The following FRAS1 variants were observed in gnomAD, a reference collection of about 807,000 sequenced individuals.
FRAS1 encodes Fraser extracellular matrix complex subunit 1, also known as extracellular matrix organizing protein FRAS1.
FRAS1 carries 290 observed loss-of-function variants against 435.2 expected under a neutral mutation model. The observed-to-expected ratio is 0.67, with a 90% CI of 0.61 to 0.73. The LOEUF is 0.73. Among genes scored for constraint, FRAS1 ranks in the 30% least tolerant of loss-of-function variants. The probability of loss-of-function intolerance (pLI) is 0.00; values close to 1 mark genes in which losing one functional copy is unlikely to be tolerated. For missense variants in FRAS1, 4,860 were observed against 5,001.5 expected (o/e 0.97, Z 0.85); for synonymous variants, 1,800 against 1,851.0 (o/e 0.97, Z 0.71).
At chr4:78,340,187 C>A (rs2110269516) in intron 20 of FRAS1, among the ~76,000 whole-genome samples, 1 of 152,224 alleles carries the variant, frequency 6.6e-6, no homozygotes, top group South Asian at 2.1e-4. Context: ...AGCTAAACAA[C>A]TCTGGAAGCC....
At chr4:78,504,669 C>CTTTATCCAA in intron 61 of FRAS1, among the ~76,000 whole-genome samples, 1 of 152,148 alleles carries the variant, frequency 6.6e-6, no homozygotes, top group Non-Finnish European at 1.5e-5. Context: ...GGTCTTGACT[C>CTTTATCCAA]TTTATCCAAT....
intron 50 of FRAS1, among the ~76,000 whole-genome samples, chr4:78,469,544 A>G (rs1719640000): frequency 1.3e-5 from 2 of 152,226 alleles, no homozygotes; most frequent in African/African-American, 4.8e-5. Flanking sequence ...AATCCCACCT[A>G]GAAATTTCAA....
intron 49 of FRAS1, 25 bp downstream of exon 49, chr4:78,464,608 T>C: frequency 6.2e-7 from 1 of 1,611,634 alleles, no homozygotes; most frequent in East Asian, 2.2e-5. Context: ...TCCCATGGGT[T>C]CTCTGGCTAA....
At chr4:78,464,267 G>A (rs1169704310) in intron 48 of FRAS1, 122 bp downstream of exon 48, 1 of 1,404,132 alleles carries the variant, frequency 7.1e-7, no homozygotes, top group Non-Finnish European at 9.6e-7. Flanking sequence ...CAGTCAAGGG[G>A]TAGGGGCAGC....
rs374991182 is a variant in FRAS1, at chr4:78,475,621, G to A, written c.7851+15G>A. On this transcript the variant is annotated intron_variant, in intron 54 of 73. Coordinates refer to ENST00000512123, the MANE Select transcript of FRAS1 (RefSeq NM_025074.7). ...ATGCTGGCCAGGTAGGTGGGGTAGT[G>A]GGGTTGGGGGAGGCTCCAGCAAGGG... 2.4e-5 allele frequency: 37 copies of A among 1,527,850 alleles called. No homozygotes were observed. The highest frequency in any genetic ancestry group is 3.2e-5 in the Non-Finnish European group (36 of 1,131,654). 94.6% of individuals were successfully genotyped at this position (1,527,850 alleles called of 1,614,324 possible). A position where few individuals can be genotyped will look rare whatever the true frequency, so the allele number is the denominator to read the frequency against.
intron 40 of FRAS1, among the ~76,000 whole-genome samples, chr4:78,440,013 A>ATT (rs1734589950): frequency 8.1e-6 from 1 of 123,242 alleles, no homozygotes; most frequent in African/African-American, 3.1e-5. Context: ...AAACTAAGTC[A>ATT]TTTCTTTTTT....
chr4:78,481,974 C>T lies in FRAS1; in HGVS notation c.8604+10C>T. 6.2e-7 allele frequency: 1 copy of T among 1,612,018 alleles called. No individual in the cohort carries two copies. Among genetic ancestry groups the T allele is most frequent in the Non-Finnish European group, 8.5e-7 (1 of 1,179,408 alleles). On this transcript the variant is annotated intron_variant, in intron 57 of 73. Coordinates refer to ENST00000512123, the MANE Select transcript of FRAS1 (RefSeq NM_025074.7). ...TGGTGTCATTGAACAGGTGCGTTTA[C>T]AGCAGTCGAGACTCCACAAAGTTGA...
intron 59 of FRAS1, among the ~76,000 whole-genome samples, chr4:78,489,720 G>C (rs144687396): frequency 6.6e-6 from 1 of 152,142 alleles, no homozygotes; most frequent in Non-Finnish European, 1.5e-5. Context: ...AGAAGCAAAT[G>C]AGTTCTGCTC....
At chr4:78,357,619 C>T (rs1420194402) in intron 20 of FRAS1, among the ~76,000 whole-genome samples, 18 of 151,940 alleles carry the variant, frequency 1.2e-4, no homozygotes, top group Non-Finnish European at 1.6e-4. Context: ...AGAACTTTTT[C>T]GGCCGGGTGA....
chr4:78,494,253 C>T (rs1262560867), intron 59 of FRAS1, among the ~76,000 whole-genome samples: 1 of 152,072 alleles, frequency 6.6e-6, no homozygotes, highest in Non-Finnish European at 1.5e-5. Context: ...TCTGTTGCTT[C>T]TAACTGTTGC....
At chr4:78,302,005 T>TC (rs1165706319) in intron 14 of FRAS1, among the ~76,000 whole-genome samples, 3 of 139,596 alleles carry the variant, frequency 2.1e-5, no homozygotes, top group Non-Finnish European at 4.6e-5. Context: ...CCCTCCCCAC[T>TC]CCCCCCACCC....
At position 78,379,942 on chromosome 4, in the gene FRAS1, G is replaced by T; in HGVS notation, c.3509G>T (p.Trp1170Leu). 6.2e-7 allele frequency: 1 copy of T among 1,613,822 alleles called. No individual in the cohort carries two copies. The change falls in exon 27 of 74, where the codon TGG becomes TTG. Residue 1170 changes from tryptophan to leucine, a missense_variant. Trp to Leu is a moderately conservative substitution (Grantham distance 61, BLOSUM62 -2). Coordinates refer to ENST00000512123, the MANE Select transcript of FRAS1 (RefSeq NM_025074.7). Reference sequence around the variant, plus strand: ...CTGGACAAGGCTGGCCGTTTTAGCTGGAAAGATGTGAACGAGAAGAAAGTG... The same window carrying T: ...CTGGACAAGGCTGGCCGTTTTAGCTTGAAAGATGTGAACGAGAAGAAAGTG... ...VQLDKAGRFS[W>L]KDVNEKKVRF...
In FRAS1 at chr4:78,126,386, G is replaced by T. The variant is rs561997732; in HGVS notation, c.108+60370G>T. On this transcript the variant is annotated intron_variant, in intron 2 of 73. Transcript: ENST00000512123. ...TGAGGCAACACCCCACCCTGCATCG[G>T]CTTGCCCTCTGTGGGCTGCACCCAC... Among the ~76,000 whole-genome samples the T allele has an allele frequency of 6.4e-4, 98 of 152,308 alleles. 1 individual carries two copies. Among genetic ancestry groups the T allele is most frequent in the Middle Eastern group, 6.8e-3 (2 of 294 alleles).
intron 2 of FRAS1, among the ~76,000 whole-genome samples, chr4:78,126,233 T>G (rs931172884): frequency 6.6e-6 from 1 of 151,984 alleles, no homozygotes; most frequent in African/African-American, 2.4e-5. Flanking sequence ...TCTCCTGGTC[T>G]GCCAGTTGCA....
intron 4 of FRAS1, among the ~76,000 whole-genome samples, chr4:78,249,601 G>A (rs1300199679): frequency 6.6e-6 from 1 of 152,106 alleles, no homozygotes; most frequent in Non-Finnish European, 1.5e-5. Flanking sequence ...GGGATTACAA[G>A]CATGAGCCAC....
chr4:78,539,165 A>G, intron 72 of FRAS1, 129 bp from the exon 73 acceptor site: 1 of 824,210 alleles, frequency 1.2e-6, no homozygotes, highest in Non-Finnish European at 1.8e-6. Flanking sequence ...AGGGCTTCAC[A>G]GCACATACTC....
At chr4:78,131,904 G>A (rs1169244003) in intron 2 of FRAS1, among the ~76,000 whole-genome samples, 3 of 152,186 alleles carry the variant, frequency 2.0e-5, no homozygotes, top group African/African-American at 4.8e-5. Context: ...GGGTAATAGC[G>A]TCTGCATGGA....
Position 78,448,061 on chromosome 4 carries a change from C to T in FRAS1, c.6019C>T (p.Leu2007Phe). The T allele has an allele frequency of 1.9e-6, 3 of 1,608,694 alleles. No homozygotes were observed. The highest frequency in any genetic ancestry group is 2.5e-6 in the Non-Finnish European group (3 of 1,177,178). ...LTKKPDHGHV[L>F]WRQTASEPLE... ...TTTACCTCTTCCCTCAGGTCATGTA[C>T]TCTGGAGGCAAACTGCTTCTGAGCC... The change falls in exon 44 of 74, where the codon CTC becomes TTC. Residue 2007 changes from leucine to phenylalanine, a missense_variant. Transcript: ENST00000512123.
At chr4:78,369,740 C>A in intron 22 of FRAS1, 98 bp from the exon 23 acceptor site, 2 of 1,108,482 alleles carry the variant, frequency 1.8e-6, no homozygotes, top group Non-Finnish European at 2.5e-6. Context: ...CAGGTTGGAA[C>A]AAGGCTTTGT....
Sources: allele counts gnomAD v4.1 joint callset (sites outside exome capture counted in the v4.1 genomes callset), GRCh38; gene constraint gnomAD v4.1.1; transcripts MANE v1.5; gene names NCBI Gene and HGNC (gene_info 2026-07-23, HGNC 2026-07-21).